THADA: variants seen among roughly 807,000 people sequenced by gnomAD.
THADA encodes THADA armadillo repeat containing, also known as tRNA (32-2'-O)-methyltransferase regulator THADA.
In THADA, 213 loss-of-function variants were observed where a neutral mutation model predicts 219.8. That is an observed-to-expected ratio of 0.97 (90% CI 0.87 to 1.09). The LOEUF (loss-of-function observed/expected upper bound fraction) is 1.09. Ranked by LOEUF, THADA falls within the 50% of genes least tolerant of loss-of-function variation. The pLI is 0.00. For synonymous variants in THADA, 1,018 were observed against 828.9 expected, an observed-to-expected ratio of 1.23 and a Z score of -3.92; for missense variants, 2,956 against 2,311.3, an observed-to-expected ratio of 1.28 and a Z score of -5.72.
chr2:43,449,349 C>T (rs1682008464), intron 26 of THADA, among the ~76,000 whole-genome samples: 1 of 151,754 alleles, frequency 6.6e-6, no homozygotes, highest in Non-Finnish European at 1.5e-5. Flanking sequence ...GGTGAACAAA[C>T]ATTATGGGAG....
At chr2:43,480,541 G>C (rs909706038) in intron 26 of THADA, among the ~76,000 whole-genome samples, 12 of 152,104 alleles carry the variant, frequency 7.9e-5, no homozygotes, top group African/African-American at 2.9e-4. Context: ...TATTACCCTG[G>C]CCGCTCACGC....
intron 29 of THADA, among the ~76,000 whole-genome samples, chr2:43,356,095 CA>C (rs1161405684): frequency 6.6e-6 from 1 of 152,020 alleles, no homozygotes; most frequent in African/African-American, 2.4e-5. Context: ...AAATAGAGAA[CA>C]GAAGGCCAAG....
intron 14 of THADA, among the ~76,000 whole-genome samples, chr2:43,567,571 G>C (rs1468101115): frequency 6.6e-6 from 1 of 152,148 alleles, no homozygotes; most frequent in African/African-American, 2.4e-5. Context: ...AGGTTGCAGT[G>C]AGCCAAGATC....
intron 24 of THADA, among the ~76,000 whole-genome samples, chr2:43,502,599 A>AAG (rs1553466050): frequency 2.7e-4 from 40 of 146,416 alleles, no homozygotes; most frequent in South Asian, 4.3e-4. Flanking sequence ...AAAAAAAAAA[A>AAG]AAAGAAAGAA....
chr2:43,330,164 C>T (rs1459112526), intron 30 of THADA, among the ~76,000 whole-genome samples: 1 of 152,210 alleles, frequency 6.6e-6, no homozygotes, highest in South Asian at 2.1e-4. Flanking sequence ...AGAGGCTTTC[C>T]ATTCACCAAG....
chr2:43,286,463 G>T (rs922365835), intron 35 of THADA, among the ~76,000 whole-genome samples: 1 of 152,138 alleles, frequency 6.6e-6, no homozygotes, highest in African/African-American at 2.4e-5. Context: ...TTGGTGGTCT[G>T]GGAGTGGTGG....
intron 36 of THADA, among the ~76,000 whole-genome samples, chr2:43,256,870 C>T (rs982764858): frequency 2.0e-5 from 3 of 152,174 alleles, no homozygotes; most frequent in South Asian, 2.1e-4. Flanking sequence ...CGAGCCACTA[C>T]ACCTGGCCAA....
rs1682430679 is a variant in THADA at position 43,452,176 on chromosome 2, T to C, written c.3837-21874A>G. On this transcript the variant is annotated intron_variant, in intron 26 of 37. Transcript: ENST00000405975. Reference sequence around the variant, plus strand: ...CATTCATTAAAAGTGAATAGACTAATTTAGCATAAGGTCCAATATTCTCAA... The same window carrying C: ...CATTCATTAAAAGTGAATAGACTAACTTAGCATAAGGTCCAATATTCTCAA... Among the ~76,000 whole-genome samples, 3 of 152,316 alleles carry C rather than the reference T, an allele frequency of 2.0e-5. No individual in the cohort carries two copies. In the South Asian group the frequency reaches 6.2e-4, roughly 32 times the overall value.
chr2:43,395,917 C>T (rs1267741657), intron 29 of THADA, among the ~76,000 whole-genome samples: 2 of 152,048 alleles, frequency 1.3e-5, no homozygotes. Flanking sequence ...CCACCACACA[C>T]AGTTAATTTA....
At chr2:43,246,161 C>G (rs1303618655) in intron 36 of THADA, among the ~76,000 whole-genome samples, 1 of 152,044 alleles carries the variant, frequency 6.6e-6, no homozygotes, top group Non-Finnish European at 1.5e-5. Flanking sequence ...ATCCAGAATC[C>G]AGAAAGTTCC....
chr2:43,266,893 C>T (rs903081866), intron 36 of THADA, among the ~76,000 whole-genome samples: 1 of 152,220 alleles, frequency 6.6e-6, no homozygotes, highest in African/African-American at 2.4e-5. Context: ...TTGAGCCTCC[C>T]CTCTCCACTT....
At chr2:43,406,828 G>A (rs982394835) in intron 28 of THADA, among the ~76,000 whole-genome samples, 2 of 152,148 alleles carry the variant, frequency 1.3e-5, no homozygotes, top group Admixed American at 1.3e-4. Flanking sequence ...AAGCATTCCG[G>A]ATCTACCCTC....
At chr2:43,435,601 G>C (rs1679987844) in intron 26 of THADA, among the ~76,000 whole-genome samples, 3 of 151,808 alleles carry the variant, frequency 2.0e-5, no homozygotes, top group South Asian at 4.2e-4. Context: ...TGGCCAACAT[G>C]GTGAAATCCT....
intron 29 of THADA, among the ~76,000 whole-genome samples, chr2:43,377,158 G>A (rs890424308): frequency 6.6e-6 from 1 of 152,202 alleles, no homozygotes; most frequent in African/African-American, 2.4e-5. Context: ...AGCTACCTGT[G>A]GAGGAGTCTG....
At chr2:43,319,514 T>C (rs1293190277) in intron 31 of THADA, among the ~76,000 whole-genome samples, 1 of 152,064 alleles carries the variant, frequency 6.6e-6, no homozygotes, top group Non-Finnish European at 1.5e-5. Context: ...TGCTCCCACC[T>C]CCCCGACCTC....
intron 28 of THADA, among the ~76,000 whole-genome samples, chr2:43,415,413 G>A (rs538918282): frequency 4.2e-4 from 64 of 152,208 alleles, no homozygotes; most frequent in African/African-American, 1.5e-3. Flanking sequence ...ATCATTCCTA[G>A]GGAAAAAGGG....
intron 22 of THADA, among the ~76,000 whole-genome samples, chr2:43,517,625 G>T (rs954173642): frequency 3.3e-5 from 5 of 152,232 alleles, no homozygotes; most frequent in African/African-American, 7.2e-5. Flanking sequence ...ACACATCCAT[G>T]AAGTTTCTCA....
intron 26 of THADA, among the ~76,000 whole-genome samples, chr2:43,457,173 CACACACACACAT>C (rs1011770586): frequency 3.7e-5 from 5 of 136,256 alleles, no homozygotes; most frequent in Admixed American, 2.1e-4. Flanking sequence ...CACACACACA[CACACACACACAT>C]GCACAGTGAG....
At chr2:43,240,050 C>A (rs920953605) in intron 36 of THADA, among the ~76,000 whole-genome samples, 11 of 152,292 alleles carry the variant, frequency 7.2e-5, no homozygotes, top group African/African-American at 2.6e-4. Flanking sequence ...CGGTGTGTGA[C>A]ACAGACAAAT....
Sources: gnomAD v4.1 joint callset for allele counts (sites outside exome capture counted in the v4.1 genomes callset) on GRCh38, gnomAD v4.1.1 for gene constraint, MANE v1.5 for transcripts, NCBI Gene and HGNC (gene_info 2026-07-23, HGNC 2026-07-21) for gene names.